PKD1: variants seen among roughly 807,000 people sequenced by gnomAD.
PKD1 encodes polycystin 1, transient receptor potential channel interacting, also known as polycystin-1.
PKD1 carries 81 observed loss-of-function variants against 361.7 expected under a neutral mutation model. That is an observed-to-expected ratio of 0.22 (90% CI 0.19 to 0.27). PKD1 has a LOEUF of 0.27. Ranked by LOEUF, PKD1 falls within the 10% of genes least tolerant of loss-of-function variation. The pLI is 1.00. For synonymous variants in PKD1, 3,615 were observed against 2,818.3 expected (o/e 1.28, Z -8.95); for missense variants, 6,399 against 6,118.3 (o/e 1.05, Z -1.53).
Position 2,092,607 on chromosome 16 carries a change from G to C in PKD1, c.11157-15C>G. The C allele has an allele frequency of 6.4e-7, 1 of 1,563,034 alleles. No homozygotes were observed. The highest frequency in any genetic ancestry group is 8.8e-7 in the Non-Finnish European group (1 of 1,137,342). On this transcript the variant is annotated splice_polypyrimidine_tract_variant and intron_variant, in intron 38 of 45. Coordinates refer to ENST00000262304, the MANE Select transcript of PKD1 (RefSeq NM_001009944.3). ...GCTCCTCAGACCTGCCACAGCATCA[G>C]TCACACGCTCCAGCCCCTACTGCCC...
At position 2,103,747 on chromosome 16, in the gene PKD1, G is replaced by A. The variant is rs149828605; in HGVS notation, c.8310C>T (p.Asn2770=). 3.9e-5 allele frequency: 63 copies of A among 1,610,036 alleles called. No individual in the cohort carries two copies. In the African/African-American group the frequency reaches 7.1e-4, roughly 18 times the overall value. ...CGCCCGCCAGCGTCAGGGGCTCCTCGTTGAGCACGCGGGAGCGCATGAGGA... is the reference window on the plus strand; with the variant it reads ...CGCCCGCCAGCGTCAGGGGCTCCTCATTGAGCACGCGGGAGCGCATGAGGA... ...MRILMRSRVL[N]EEPLTLAGEE... Residue 2770 remains asparagine (N), a synonymous_variant, in exon 23 of 46, where the codon AAC becomes AAT. Coordinates refer to ENST00000262304, the MANE Select transcript of PKD1 (RefSeq NM_001009944.3).
chr16:2,093,965 G>T lies in PKD1; in HGVS notation c.10667C>A (p.Ser3556Tyr). Residue 3556 changes from serine (S) to tyrosine (Y), a missense_variant, in exon 36 of 46, where the codon TCC (serine) becomes TAC (tyrosine). Coordinates refer to ENST00000262304, the MANE Select transcript of PKD1 (RefSeq NM_001009944.3). Reference protein sequence around the residue: ...RKRLLPAWCASLAHGLSLLLV... With the variant: ...RKRLLPAWCAYLAHGLSLLLV... ...GAGCAGGCTGAGCCCGTGGGCCAGGGAGGCACACCAGGCCGGCAGCAGGCG... is the reference window on the plus strand; with the variant it reads ...GAGCAGGCTGAGCCCGTGGGCCAGGTAGGCACACCAGGCCGGCAGCAGGCG... 1 of 1,587,982 alleles carries T rather than the reference G, an allele frequency of 6.3e-7. No homozygotes were observed. The highest frequency in any genetic ancestry group is 2.3e-5 in the East Asian group (1 of 44,022).
At chr16:2,105,809 C>T (rs1352165398) in intron 20 of PKD1, 56 bp downstream of exon 20, 1 of 1,549,958 alleles carries the variant, frequency 6.5e-7, no homozygotes, top group Non-Finnish European at 8.8e-7. Context: ...GGGTACAGGT[C>T]TTGGTCCCAA....
In PKD1 at chr16:2,090,165, C is replaced by T; in HGVS notation, c.12474G>A (p.Met4158Ile). Residue 4158 changes from methionine (M) to isoleucine (I), a missense_variant, in exon 46 of 46, where the codon ATG (methionine) becomes ATA (isoleucine). Physicochemically the swap from Met to Ile is conservative, Grantham distance 10. Coordinates refer to ENST00000262304, the MANE Select transcript of PKD1 (RefSeq NM_001009944.3). ...EFRHKVRFEG[M>I]EPLPSRSSRG... ...TGGAGGAGCGAGAGGGCAGCGGCTC[C>T]ATCCCTTCAAAGCGGACTTTGTGGC... 3 of 1,599,380 alleles carry T rather than the reference C, an allele frequency of 1.9e-6. No homozygotes were observed. Among genetic ancestry groups the T allele is most frequent in the Non-Finnish European group, 2.6e-6 (3 of 1,172,712 alleles).
At chr16:2,092,679 C>T (rs2854583) in intron 38 of PKD1, 87 bp from the exon 39 acceptor site, 2 of 987,384 alleles carry the variant, frequency 2.0e-6, no homozygotes, top group Admixed American at 2.0e-5. Flanking sequence ...GGGAACATGG[C>T]TCCCACTGCC....
chr16:2,111,996 C>G, intron 14 of PKD1, 125 bp from the exon 15 acceptor site: 2 of 1,029,550 alleles, frequency 1.9e-6, no homozygotes, highest in Non-Finnish European at 2.9e-6. Flanking sequence ...CCTTAAGGGT[C>G]CCAGGCTCCC....
chr16:2,113,176 C>T lies in PKD1; in HGVS notation c.2970G>A (p.Ala990=), dbSNP rs750770129. ...VVFNVIYQSA[A]VFKLSLTASN... ...GCCCACCTACTGAGAGCTTGAAGAC[C>T]GCCGCGCTCTGATAAATGACATTGA... The change falls in exon 12 of 46, where the codon GCG becomes GCA. Residue 990 remains alanine, a synonymous_variant. Transcript: ENST00000262304. 33 of 1,032,636 alleles carry T rather than the reference C, an allele frequency of 3.2e-5. No individual in the cohort carries two copies. Among genetic ancestry groups the T allele is most frequent in the South Asian group, 8.8e-5 (7 of 79,758 alleles). 64.0% of individuals were successfully genotyped at this position (1,032,636 alleles called of 1,614,324 possible).
At chr16:2,104,813 C>G (rs1239560990) in intron 21 of PKD1, among the ~76,000 whole-genome samples, 171 bp from the exon 22 acceptor site, 6 of 141,644 alleles carry the variant, frequency 4.2e-5, no homozygotes, top group Non-Finnish European at 9.2e-5. Context: ...CTCTGCATGA[C>G]CCAGGGCCTC....
At chr16:2,123,443 G>C (rs1330883302) in intron 1 of PKD1, 2 of 456,332 alleles carry the variant, frequency 4.4e-6, no homozygotes, top group African/African-American at 4.0e-5. Context: ...GAACAGCACA[G>C]GGGTCCCCGT....
Position 2,105,251 on chromosome 16 carries a change from C to T in PKD1, c.8016+71G>A, listed in dbSNP as rs533270567. On this transcript the variant is annotated intron_variant, in intron 21 of 45. Transcript: ENST00000262304. The stretch of plus-strand genomic sequence containing the variant: ...TCAGCTCCTCGGCCAAGCTGCCCGT[C>T]TGCCCTGGGGGGCTGAACCCAGTGC... 2.6e-4 allele frequency: 394 copies of T among 1,525,438 alleles called. 2 individuals are homozygous for T. In the Middle Eastern group the frequency reaches 3.5e-3, roughly 14 times the overall value. The allele number at this position is 1,525,438 out of a possible 1,614,324, so 94.5% of individuals were successfully genotyped here. A position where few individuals can be genotyped will look rare whatever the true frequency, so the allele number is the denominator to read the frequency against.
chr16:2,108,423 A>G lies in PKD1; in HGVS notation c.6744T>C (p.Asn2248=), dbSNP rs369930711. 81 of 1,610,498 alleles carry G rather than the reference A, an allele frequency of 5.0e-5. No individual in the cohort carries two copies. Among genetic ancestry groups the G allele is most frequent in the Middle Eastern group, 4.5e-4 (2 of 4,430 alleles). ...CCAGGCGCTCGGGGGCCACCGTCAC[A>G]TTGGCCTGGATGCTCTGTGTCAGTG... ...DTPLTQSIQA[N]VTVAPERLVP... is the part of the protein sequence containing the mutation. Residue 2248 remains asparagine (N), a synonymous_variant, in exon 15 of 46, where the codon AAT becomes AAC. Coordinates refer to ENST00000262304, the MANE Select transcript of PKD1 (RefSeq NM_001009944.3).
At position 2,114,663 on chromosome 16, in the gene PKD1, T is replaced by C. The variant is rs928084406; in HGVS notation, c.2360A>G (p.Asn787Ser). 4 of 1,550,384 alleles carry C rather than the reference T, an allele frequency of 2.6e-6. No homozygotes were observed. Among genetic ancestry groups the C allele is most frequent in the Admixed American group, 1.9e-5 (1 of 52,722 alleles). ...QLTVLLGLRP[N>S]PGLRLPGRYE... ...GCGCCCAGGCAGCCGCAGTCCAGGG[T>C]TGGGCCTCAAGCCCAGCAGCACGGT... Residue 787 changes from asparagine to serine, a missense_variant, in exon 11 of 46, where the codon AAC becomes AGC. Coordinates refer to ENST00000262304, the MANE Select transcript of PKD1 (RefSeq NM_001009944.3).
intron 1 of PKD1, among the ~76,000 whole-genome samples, chr16:2,120,527 C>T (rs13330552): frequency 0.21 from 31,485 of 152,006 alleles, 3,711 homozygotes; most frequent in African/African-American, 0.31. Context: ...CATAGCAAGA[C>T]CCCATCTCTA....
Position 2,091,550 on chromosome 16 carries a change from C to G in PKD1, c.11585G>C (p.Gly3862Ala), listed in dbSNP as rs1409299320. 3 of 1,527,306 alleles carry G rather than the reference C, an allele frequency of 2.0e-6. No homozygotes were observed. The highest frequency in any genetic ancestry group is 4.2e-5 in the Admixed American group (2 of 47,404). The allele number at this position is 1,527,306 out of a possible 1,614,324, so 94.6% of individuals were successfully genotyped here. Residue 3862 changes from glycine to alanine, a missense_variant, in exon 42 of 46, where the codon GGG (glycine) becomes GCG (alanine). Transcript: ENST00000262304. Reference sequence around the variant, plus strand: ...GCGCAGCGTGACGGCGGCGTGCAGCCCCACGGCCGGGCTGTAGCGCGTGAG... The same window carrying G: ...GCGCAGCGTGACGGCGGCGTGCAGCGCCACGGCCGGGCTGTAGCGCGTGAG... Reference protein sequence around the residue: ...LELTRYSPAVGLHAAVTLRLE... With the variant: ...LELTRYSPAVALHAAVTLRLE...
rs370953279 is a variant in PKD1 at position 2,103,528 on chromosome 16, G to A, written c.8529C>T (p.Thr2843=). The A allele has an allele frequency of 2.2e-5, 35 of 1,607,464 alleles. No homozygotes were observed. The highest frequency in any genetic ancestry group is 1.9e-4 in the African/African-American group (14 of 74,866). The change falls in exon 23 of 46, where the codon ACC becomes ACT. Residue 2843 remains threonine, a synonymous_variant. Coordinates refer to ENST00000262304, the MANE Select transcript of PKD1 (RefSeq NM_001009944.3). ...PFPFGYISNY[T]VSTKVASMAF... is the part of the protein sequence containing the mutation. ...CCATCGAGGCCACCTTGGTGGAGAC[G>A]GTGTAGTTGCTGATATAGCCAAAGG... is the stretch of plus-strand genomic sequence containing the variant.
In PKD1 at chr16:2,103,279, A is replaced by G. The variant is rs1344259473; in HGVS notation, c.8778T>C (p.Tyr2926=). 2.5e-6 allele frequency: 4 copies of G among 1,609,546 alleles called. No homozygotes were observed. Among genetic ancestry groups the G allele is most frequent in the Admixed American group, 3.3e-5 (2 of 59,970 alleles). ...PAAGLHLQLN[Y]TLLDGHYLSE... Reference sequence around the variant, plus strand: ...CGCTGCACGCACCGTCCAGCAGCGTATAGTTGAGCTGCAGATGCAGCCCGG... The same window carrying G: ...CGCTGCACGCACCGTCCAGCAGCGTGTAGTTGAGCTGCAGATGCAGCCCGG... Residue 2926 remains tyrosine, a synonymous_variant, in exon 23 of 46, where the codon TAT becomes TAC. Coordinates refer to ENST00000262304, the MANE Select transcript of PKD1 (RefSeq NM_001009944.3).
chr16:2,133,558 G>A (rs1382348683), intron 1 of PKD1, among the ~76,000 whole-genome samples: 1 of 151,692 alleles, frequency 6.6e-6, no homozygotes, highest in East Asian at 1.9e-4. Flanking sequence ...GGAGTTTGCA[G>A]GGTAGACAGC....
chr16:2,124,809 C>T (rs954716156), intron 1 of PKD1, among the ~76,000 whole-genome samples: 2 of 152,202 alleles, frequency 1.3e-5, no homozygotes, highest in African/African-American at 2.4e-5. Context: ...GGGACCGGCT[C>T]GGAGGGGCCG....
rs759443104 is a variant in PKD1, at chr16:2,097,158, G to A, written c.10489C>T (p.Leu3497Phe). Reference sequence around the variant, plus strand: ...GAGCCGGACACTCACAGGCTGCTGAGCAGGTCCGTTTCCATGTGGGTGTCT... The same window carrying A: ...GAGCCGGACACTCACAGGCTGCTGAACAGGTCCGTTTCCATGTGGGTGTCT... ...TQDTHMETDL[L>F]SSLSSTPGEK... The change falls in exon 34 of 46, where the codon CTC becomes TTC. Residue 3497 changes from leucine to phenylalanine, a missense_variant. Transcript: ENST00000262304. The A allele has an allele frequency of 3.9e-6, 6 of 1,551,288 alleles. No individual in the cohort carries two copies. Among genetic ancestry groups the A allele is most frequent in the African/African-American group, 1.4e-5 (1 of 73,086 alleles).
Sources: gnomAD v4.1 joint callset for allele counts (sites outside exome capture counted in the v4.1 genomes callset) on GRCh38, gnomAD v4.1.1 for gene constraint, MANE v1.5 for transcripts, NCBI Gene and HGNC (gene_info 2026-07-23, HGNC 2026-07-21) for gene names.